CDH23: variants seen among roughly 807,000 people sequenced by gnomAD.
CDH23 encodes the protein cadherin-23.
Under a neutral mutation model 317.1 loss-of-function variants are expected in CDH23, and 189 were observed. The observed-to-expected ratio is 0.60, with a 90% CI of 0.53 to 0.67. The LOEUF is 0.67. Ranked by LOEUF, CDH23 falls within the 30% of genes least tolerant of loss-of-function variation. CDH23 has a pLI of 0.00. For synonymous variants in CDH23, 1,839 were observed against 1,876.8 expected (o/e 0.98, Z 0.52); for missense variants, 4,401 against 4,592.4 (o/e 0.96, Z 1.20).
chr10:71,763,662 A>G (rs916668852), intron 38 of CDH23, among the ~76,000 whole-genome samples: 1 of 152,250 alleles, frequency 6.6e-6, no homozygotes, highest in African/African-American at 2.4e-5. Context: ...TGTTTTTCCC[A>G]GAAATGAAAA....
At chr10:71,548,625 G>A (rs368789304) in intron 6 of CDH23, among the ~76,000 whole-genome samples, 1 of 152,232 alleles carries the variant, frequency 6.6e-6, no homozygotes, top group African/African-American at 2.4e-5. Context: ...GCCAAGGGGG[G>A]CACTGTGTAC....
intron 35 of CDH23, among the ~76,000 whole-genome samples, chr10:71,738,930 G>T (rs1396434565): frequency 6.6e-6 from 1 of 152,248 alleles, no homozygotes; most frequent in Non-Finnish European, 1.5e-5. Context: ...TTCCCACGCA[G>T]CCCCAGCTCC....
chr10:71,589,652 C>A (rs1859334435), intron 9 of CDH23, among the ~76,000 whole-genome samples: 1 of 152,156 alleles, frequency 6.6e-6, no homozygotes, highest in South Asian at 2.1e-4. Context: ...GAAAGGCAGC[C>A]CTTGAAGGAG....
At chr10:71,434,756 G>A (rs1283670241) in intron 1 of CDH23, among the ~76,000 whole-genome samples, 1 of 152,186 alleles carries the variant, frequency 6.6e-6, no homozygotes, top group Non-Finnish European at 1.5e-5. Context: ...GGAAGGTGGT[G>A]GAGGGAAGCA....
rs536490078 is a variant in CDH23 at position 71,773,583 on chromosome 10, C to G, written c.4846-4097C>G. 123 of 664,944 alleles carry G rather than the reference C, an allele frequency of 1.8e-4. 1 individual carries two copies. The South Asian group carries it at 3.3e-3, about 18-fold the overall frequency. The allele number at this position is 664,944 out of a possible 1,614,324, so 41.2% of individuals were successfully genotyped here. A position where few individuals can be genotyped will look rare whatever the true frequency, so the allele number is the denominator to read the frequency against. ...CCGTGCTCCAGGCACCCGCCCCCTT[C>G]GCGCAGCGCCCCCGGGGGGCCGTGT... On this transcript the variant is annotated intron_variant, in intron 38 of 69. Coordinates refer to ENST00000224721, the MANE Select transcript of CDH23 (RefSeq NM_022124.6).
At chr10:71,537,016 A>C (rs540635986) in intron 6 of CDH23, among the ~76,000 whole-genome samples, 3 of 152,168 alleles carry the variant, frequency 2.0e-5, no homozygotes, top group African/African-American at 7.2e-5. Flanking sequence ...AAGGCTCCAT[A>C]TTGCCTTCGC....
In CDH23 at chr10:71,806,192, G is replaced by T; in HGVS notation, c.8089G>T (p.Gly2697Cys). The change falls in exon 57 of 70, where the codon GGC becomes TGC. Residue 2697 changes from glycine (G) to cysteine (C), a missense_variant. By Grantham distance (159) the Gly-to-Cys change is radical. Transcript: ENST00000224721. ...YSLILVASDL[G>C]QPVPYETMQP... is the part of the protein sequence containing the mutation. ...GCTCATCTTGGTGGCCAGCGACCTG[G>T]GCCAGCCAGTGCCATACGAGACTAT... The T allele has an allele frequency of 1.3e-6, 2 of 1,570,732 alleles. No individual in the cohort carries two copies. The highest frequency in any genetic ancestry group is 1.2e-5 in the South Asian group (1 of 85,486).
At chr10:71,781,778 A>G (rs1407876861) in intron 41 of CDH23, among the ~76,000 whole-genome samples, 1 of 152,172 alleles carries the variant, frequency 6.6e-6, no homozygotes, top group Non-Finnish European at 1.5e-5. Context: ...CAAGGAAGGA[A>G]GAGTAGACAT....
chr10:71,620,681 C>G (rs942679513), intron 11 of CDH23, among the ~76,000 whole-genome samples: 3 of 152,192 alleles, frequency 2.0e-5, no homozygotes, highest in Non-Finnish European at 4.4e-5. Context: ...GTCAGTGTCT[C>G]TGACAGTGCA....
intron 14 of CDH23, chr10:71,646,897 G>T (rs1862920007): frequency 7.0e-7 from 1 of 1,423,630 alleles, no homozygotes; most frequent in Non-Finnish European, 9.2e-7. Flanking sequence ...ACTCAGTGAG[G>T]GTGGGCTGGG....
At chr10:71,744,679 G>A (rs1037580522) in intron 38 of CDH23, among the ~76,000 whole-genome samples, 4 of 152,180 alleles carry the variant, frequency 2.6e-5, no homozygotes, top group Admixed American at 6.5e-5. Context: ...GTGAGAGCAG[G>A]AGAAGCTGGG....
chr10:71,492,811 T>A (rs1852738347), intron 3 of CDH23, among the ~76,000 whole-genome samples: 3 of 151,986 alleles, frequency 2.0e-5, no homozygotes, highest in African/African-American at 7.2e-5. Flanking sequence ...CAGGGCGGGG[T>A]GTGCTGCGCT....
At chr10:71,506,789 A>G (rs1301863222) in intron 3 of CDH23, among the ~76,000 whole-genome samples, 1 of 152,316 alleles carries the variant, frequency 6.6e-6, no homozygotes, top group East Asian at 1.9e-4. Flanking sequence ...TTTAATTAGT[A>G]CACTTAGAAA....
chr10:71,508,567 C>G (rs954418073), intron 3 of CDH23, among the ~76,000 whole-genome samples: 1 of 152,202 alleles, frequency 6.6e-6, no homozygotes, highest in Non-Finnish European at 1.5e-5. Context: ...CATGTTAGAA[C>G]TGTCCTAAAA....
At chr10:71,518,572 C>A (rs987732290) in intron 6 of CDH23, among the ~76,000 whole-genome samples, 2 of 152,164 alleles carry the variant, frequency 1.3e-5, no homozygotes, top group Non-Finnish European at 2.9e-5. Context: ...ATAGTGACAC[C>A]CCTTCCTTGT....
chr10:71,545,404 T>A (rs1182149387), intron 6 of CDH23, among the ~76,000 whole-genome samples: 1 of 152,186 alleles, frequency 6.6e-6, no homozygotes, highest in East Asian at 1.9e-4. Flanking sequence ...TGTCTTCAGG[T>A]TGTCGTCATC....
At chr10:71,794,254 C>T (rs183422794) in intron 48 of CDH23, among the ~76,000 whole-genome samples, 11 of 152,318 alleles carry the variant, frequency 7.2e-5, no homozygotes, top group Admixed American at 2.0e-4. Flanking sequence ...CCACCTGCCT[C>T]GGCCTCCCAA....
At chr10:71,588,133 T>A (rs573269421) in intron 9 of CDH23, among the ~76,000 whole-genome samples, 1 of 152,274 alleles carries the variant, frequency 6.6e-6, no homozygotes, top group East Asian at 1.9e-4. Flanking sequence ...GAGTTCTAGT[T>A]ACTCAGCCCA....
intron 38 of CDH23, chr10:71,762,134 G>T: frequency 7.7e-7 from 1 of 1,301,558 alleles, no homozygotes; most frequent in Non-Finnish European, 1.0e-6. Flanking sequence ...CCACAGGCCA[G>T]GGGCATGTCA....
Sources: gnomAD v4.1 joint callset for allele counts (sites outside exome capture counted in the v4.1 genomes callset) on GRCh38, gnomAD v4.1.1 for gene constraint, MANE v1.5 for transcripts, NCBI Gene and HGNC (gene_info 2026-07-23, HGNC 2026-07-21) for gene names.